UHRF1: variants seen among roughly 807,000 people sequenced by gnomAD.
The protein encoded by UHRF1 is E3 ubiquitin-protein ligase UHRF1.
A neutral mutation model predicts 96.5 loss-of-function variants in UHRF1; 9 were observed. The observed-to-expected ratio is 0.09, with a 90% CI of 0.06 to 0.16. The LOEUF (loss-of-function observed/expected upper bound fraction) is 0.16, where lower values mean the gene tolerates loss of function less well. Among genes scored for constraint, UHRF1 ranks in the 10% least tolerant of loss-of-function variants. UHRF1 has a pLI of 1.00. For missense variants in UHRF1, 626 were observed against 1,131.1 expected, an observed-to-expected ratio of 0.55 and a Z score of 6.40; for synonymous variants, 455 against 469.9, an observed-to-expected ratio of 0.97 and a Z score of 0.41.
In UHRF1 at chr19:4,910,580, C is replaced by G. The variant is rs147819039; in HGVS notation, c.-10-296C>G. 1.2e-4 allele frequency: 38 copies of G among 314,220 alleles called. 1 individual carries two copies. Among genetic ancestry groups the G allele is most frequent in the African/African-American group, 7.3e-4 (34 of 46,860 alleles). 19.5% of individuals were successfully genotyped at this position (314,220 alleles called of 1,614,324 possible). On this transcript the variant is annotated intron_variant, in intron 1 of 16. Transcript: ENST00000650932. Reference sequence around the variant, plus strand: ...GCCACTTGGCCCGGGCCTCCTTTCTCCTCTGGTCGTGGGGAAGGAGGGATG... The same window carrying G: ...GCCACTTGGCCCGGGCCTCCTTTCTGCTCTGGTCGTGGGGAAGGAGGGATG...
chr19:4,944,276 G>T lies in UHRF1; in HGVS notation c.1197+21G>T. On this transcript the variant is annotated intron_variant, in intron 8 of 16. Transcript: ENST00000650932. ...GCAAGGTGAGGCGGGTCCTTCCCAC[G>T]TGCCCGTGGCCCCTCCCCGCCTGCC... The T allele has an allele frequency of 3.1e-6, 5 of 1,613,782 alleles. No individual in the cohort carries two copies. The South Asian group carries it at 4.4e-5, about 14-fold the overall frequency.
intron 10 of UHRF1, among the ~76,000 whole-genome samples, chr19:4,946,276 G>T (rs2145189293): frequency 6.6e-6 from 1 of 152,148 alleles, no homozygotes; most frequent in South Asian, 2.1e-4. Context: ...GAATCGCACG[G>T]CCTGCGTCCT....
In UHRF1 at chr19:4,954,926, G is replaced by T; in HGVS notation, c.2130+104G>T. On this transcript the variant is annotated intron_variant, in intron 15 of 16. Coordinates refer to ENST00000650932, the MANE Select transcript of UHRF1 (RefSeq NM_001048201.3). This position sits in a 1 kb window ranked among gnomAD's most constrained non-coding sequence, Gnocchi z 5.9. ...CCATTTTCAAGTGTACAGCTCAGTC[G>T]CACTGAGTACATTCTTGTGGTTGTG... 2.9e-6 allele frequency: 4 copies of T among 1,387,102 alleles called. No homozygotes were observed. Among genetic ancestry groups the T allele is most frequent in the South Asian group, 1.3e-5 (1 of 76,298 alleles). 85.9% of individuals were successfully genotyped at this position (1,387,102 alleles called of 1,614,324 possible).
At position 4,941,926 on chromosome 19, in the gene UHRF1, C is replaced by T. The variant is rs375245984; in HGVS notation, c.1068C>T (p.Asp356=). Residue 356 remains aspartate, a synonymous_variant, in exon 7 of 17, where the codon GAC becomes GAT. Transcript: ENST00000650932. ...DPPLSSVPSE[D]EWYCPECRND... is the part of the protein sequence containing the mutation. ...CCCTCAGCAGTGTTCCCAGCGAGGA[C>T]GAGTGGTGAGTGCGGCCCTGCCCGC... 34 of 1,513,326 alleles carry T rather than the reference C, an allele frequency of 2.2e-5. No homozygotes were observed. The African/African-American group carries it at 3.1e-4, about 14-fold the overall frequency. 93.7% of individuals were successfully genotyped at this position (1,513,326 alleles called of 1,614,324 possible).
rs557493482 is a variant in UHRF1, at chr19:4,935,242, A to G, written c.785+2286A>G. ...CTCAGCCCCTCAAAGTGCTGGGATT[A>G]CAGGCGTGAGCCACCGCACCCAGCC... On this transcript the variant is annotated intron_variant, in intron 5 of 16. Transcript: ENST00000650932. Among the ~76,000 whole-genome samples the G allele has an allele frequency of 2.6e-4, 39 of 152,206 alleles. No individual in the cohort carries two copies. In the South Asian group the frequency reaches 5.0e-3, roughly 19 times the overall value.
upstream of UHRF1, chr19:4,909,351 A>G: frequency 1.7e-6 from 1 of 593,440 alleles, no homozygotes; most frequent in Non-Finnish European, 3.0e-6. Flanking sequence ...CACTAGGCGG[A>G]GGCGCCGTGG....
chr19:4,908,555 C>G (rs1422229638), upstream of UHRF1, among the ~76,000 whole-genome samples: 1 of 152,102 alleles, frequency 6.6e-6, no homozygotes, highest in Non-Finnish European at 1.5e-5. Flanking sequence ...CTGGGTTTGA[C>G]TTTCCCTCCT....
chr19:4,923,815 A>G (rs886429960), intron 2 of UHRF1, among the ~76,000 whole-genome samples: 1 of 152,176 alleles, frequency 6.6e-6, no homozygotes, highest in African/African-American at 2.4e-5. Flanking sequence ...CACCCCAGAG[A>G]GTGATCAGAC....
chr19:4,931,355 C>A (rs2033046832), intron 4 of UHRF1, among the ~76,000 whole-genome samples: 1 of 152,272 alleles, frequency 6.6e-6, no homozygotes, highest in Admixed American at 6.5e-5. Flanking sequence ...TTGCTCACTG[C>A]AACCTCTGCC....
At chr19:4,928,710 C>T (rs527977679) in intron 2 of UHRF1, among the ~76,000 whole-genome samples, 2 of 152,258 alleles carry the variant, frequency 1.3e-5, no homozygotes, top group East Asian at 1.9e-4. Flanking sequence ...ACAGTGGGAC[C>T]GTCCTGGGCA....
chr19:4,955,846 G>A (rs1256301555), intron 15 of UHRF1, among the ~76,000 whole-genome samples: 2 of 152,172 alleles, frequency 1.3e-5, no homozygotes, highest in East Asian at 3.8e-4. Context: ...CACCCAGGCT[G>A]GAGTGCGGTG....
Position 4,929,354 on chromosome 19 carries a change from G to A in UHRF1, c.286G>A (p.Gly96Ser), listed in dbSNP as rs376059751. The change falls in exon 3 of 17, where the codon GGC becomes AGC. Residue 96 changes from glycine (G) to serine (S), a missense_variant. Around this residue, in one of 11 missense-constraint regions of UHRF1, gnomAD observed 53 missense variants for 95.9 expected, o/e 0.55. Coordinates refer to ENST00000650932, the MANE Select transcript of UHRF1 (RefSeq NM_001048201.3). ...RDSELSDTDS[G>S]CCLGQSESDK... ...CTCCGAGCTCTCCGACACCGACTCC[G>A]GCTGCTGCCTGGGCCAGAGTGAGTC... 2 of 1,613,672 alleles carry A rather than the reference G, an allele frequency of 1.2e-6. No individual in the cohort carries two copies. The highest frequency in any genetic ancestry group is 1.7e-6 in the Non-Finnish European group (2 of 1,179,902).
intron 4 of UHRF1, among the ~76,000 whole-genome samples, chr19:4,931,082 C>T (rs1045530530): frequency 3.3e-5 from 5 of 152,158 alleles, no homozygotes; most frequent in African/African-American, 4.8e-5. Flanking sequence ...CCTGTGTCTC[C>T]GCGGAGGGTT....
rs987187882 is a variant in UHRF1, at chr19:4,930,222, G to A, written c.409-494G>A. Among the ~76,000 whole-genome samples the A allele has an allele frequency of 7.9e-5, 12 of 152,266 alleles. No individual in the cohort carries two copies. The highest frequency in any genetic ancestry group is 1.2e-4 in the African/African-American group (5 of 41,570). Reference sequence around the variant, plus strand: ...ACTCCTGGCCTCAAGTGATCTTCCCGCCGCAGCCTCCCAAAGTGCTGGAAT... The same window carrying A: ...ACTCCTGGCCTCAAGTGATCTTCCCACCGCAGCCTCCCAAAGTGCTGGAAT... On this transcript the variant is annotated intron_variant, in intron 3 of 16. Transcript: ENST00000650932. This position sits in a 1 kb window ranked among gnomAD's most constrained non-coding sequence, Gnocchi z 4.4.
At chr19:4,959,405 C>T (rs557800672) in intron 16 of UHRF1, among the ~76,000 whole-genome samples, 1 of 152,340 alleles carries the variant, frequency 6.6e-6, no homozygotes, top group Admixed American at 6.5e-5. Context: ...GGCCTCTCCC[C>T]CATGTGGTCA....
At chr19:4,929,112 GCC>G (rs5826865) in intron 2 of UHRF1, 108 bp from the exon 3 acceptor site, 62 of 1,297,956 alleles carry the variant, frequency 4.8e-5, no homozygotes, top group African/African-American at 1.6e-4. Context: ...GATGCAGATT[GCC>G]CCCCCCCCAC....
intron 5 of UHRF1, among the ~76,000 whole-genome samples, chr19:4,933,917 A>G (rs2033136388): frequency 1.3e-5 from 2 of 151,116 alleles, no homozygotes; most frequent in South Asian, 4.1e-4. Flanking sequence ...GGCCATTTGC[A>G]GAATCATTTT....
At chr19:4,904,967 G>T (rs889863740), upstream of UHRF1, among the ~76,000 whole-genome samples, 5 of 152,164 alleles carry the variant, frequency 3.3e-5, no homozygotes, top group African/African-American at 1.2e-4. Flanking sequence ...TCTTGTCTTG[G>T]CTGTATCTTG....
intron 15 of UHRF1, among the ~76,000 whole-genome samples, chr19:4,956,136 G>A (rs1468157816): frequency 6.6e-6 from 1 of 152,004 alleles, no homozygotes; most frequent in Non-Finnish European, 1.5e-5. Flanking sequence ...TCACCGTGTT[G>A]GTCAGGCTGG....
Sources: allele counts gnomAD v4.1 joint callset (sites outside exome capture counted in the v4.1 genomes callset), GRCh38; gene constraint gnomAD v4.1.1; regional missense constraint gnomAD v4.1.1; non-coding constraint Gnocchi (gnomAD v3.1); transcripts MANE v1.5; gene names NCBI Gene and HGNC (gene_info 2026-07-23, HGNC 2026-07-21).